The following ITGA8 variants were observed in gnomAD, a reference collection of about 807,000 sequenced individuals.
The protein encoded by ITGA8 is integrin subunit alpha 8.
ITGA8 carries 91 observed loss-of-function variants against 142.3 expected under a neutral mutation model. That is an observed-to-expected ratio of 0.64 (90% confidence interval 0.54 to 0.76). The LOEUF (loss-of-function observed/expected upper bound fraction) is 0.76. Ranked by LOEUF, ITGA8 falls within the 30% of genes least tolerant of loss-of-function variation. The pLI is 0.00. For synonymous variants in ITGA8, 505 were observed against 485.2 expected (o/e 1.04, Z -0.54); for missense variants, 1,406 against 1,327.7 (o/e 1.06, Z -0.92).
chr10:15,558,370 G>C (rs543077714), intron 25 of ITGA8, among the ~76,000 whole-genome samples, 168 bp from the exon 26 acceptor site: 2 of 152,150 alleles, frequency 1.3e-5, no homozygotes, highest in South Asian at 4.1e-4. Flanking sequence ...TGACCTGCAC[G>C]CACAAGGAAC....
At chr10:15,547,872 T>A (rs978741106) in intron 27 of ITGA8, among the ~76,000 whole-genome samples, 6 of 152,212 alleles carry the variant, frequency 3.9e-5, no homozygotes, top group Non-Finnish European at 7.3e-5. Context: ...ATAGTTACTG[T>A]GCCCAACACT....
intron 27 of ITGA8, among the ~76,000 whole-genome samples, chr10:15,546,180 C>T (rs1280890717): frequency 2.0e-5 from 3 of 152,114 alleles, no homozygotes; most frequent in Non-Finnish European, 4.4e-5. Context: ...ACTATTTATC[C>T]CACTGCCCTG....
intron 13 of ITGA8, among the ~76,000 whole-genome samples, chr10:15,630,807 T>C (rs2131633601): frequency 6.6e-6 from 1 of 152,166 alleles, no homozygotes. Context: ...TAATTCATAC[T>C]CCATTCCTTA....
chr10:15,640,136 C>G (rs1222441119), intron 13 of ITGA8, among the ~76,000 whole-genome samples: 1 of 152,210 alleles, frequency 6.6e-6, no homozygotes, highest in Non-Finnish European at 1.5e-5. Flanking sequence ...TATAAAGCAT[C>G]TTCACTTAGT....
chr10:15,623,609 C>T (rs907484132), intron 13 of ITGA8, among the ~76,000 whole-genome samples: 1 of 152,126 alleles, frequency 6.6e-6, no homozygotes, highest in African/African-American at 2.4e-5. Flanking sequence ...TCGCTTGAAC[C>T]CAGGAGATGG....
At chr10:15,622,028 C>T (rs553838779) in intron 13 of ITGA8, among the ~76,000 whole-genome samples, 1 of 152,246 alleles carries the variant, frequency 6.6e-6, no homozygotes, top group East Asian at 1.9e-4. Context: ...CATGATGGTG[C>T]ATGCCTGTAA....
rs186112719 is a variant in ITGA8, at chr10:15,536,656, G to A, written c.2881-5505C>T. Among the ~76,000 whole-genome samples the A allele has an allele frequency of 2.4e-3, 362 of 152,254 alleles. 2 individuals are homozygous for A. The highest frequency in any genetic ancestry group is 8.1e-3 in the African/African-American group (336 of 41,536). ...ACCCAGCTGGGGTTAATATCCCTTGGCAACAATGAGGACCTTCGTCTTGCC... is the reference window on the plus strand; with the variant it reads ...ACCCAGCTGGGGTTAATATCCCTTGACAACAATGAGGACCTTCGTCTTGCC... On this transcript the variant is annotated intron_variant, in intron 27 of 29. Transcript: ENST00000378076.
chr10:15,663,829 C>G (rs1045467084), intron 8 of ITGA8, among the ~76,000 whole-genome samples: 7 of 152,108 alleles, frequency 4.6e-5, no homozygotes, highest in African/African-American at 1.7e-4. Context: ...CTTGGCCTTC[C>G]AAAGTGCTGG....
chr10:15,640,293 C>G (rs1290192035), intron 13 of ITGA8, among the ~76,000 whole-genome samples: 1 of 152,162 alleles, frequency 6.6e-6, no homozygotes, highest in Non-Finnish European at 1.5e-5. Context: ...GGGCTGGCCA[C>G]TCCCAGATTC....
intron 27 of ITGA8, among the ~76,000 whole-genome samples, chr10:15,542,984 A>T (rs1356186016): frequency 6.6e-6 from 1 of 152,226 alleles, no homozygotes; most frequent in Non-Finnish European, 1.5e-5. Context: ...GTCTCGGTCA[A>T]CCAAAACATC....
At chr10:15,552,827 C>A (rs1172172114) in intron 26 of ITGA8, among the ~76,000 whole-genome samples, 3 of 152,142 alleles carry the variant, frequency 2.0e-5, no homozygotes, top group Non-Finnish European at 4.4e-5. Flanking sequence ...AGAATGATAT[C>A]AATTGTTTTC....
intron 2 of ITGA8, among the ~76,000 whole-genome samples, chr10:15,696,106 C>T (rs996971291): frequency 6.6e-6 from 1 of 152,184 alleles, no homozygotes; most frequent in African/African-American, 2.4e-5. Context: ...AGGGTAGGGC[C>T]GCCTGTCGTC....
chr10:15,686,383 G>T (rs185764253), intron 3 of ITGA8, among the ~76,000 whole-genome samples: 197 of 152,300 alleles, frequency 1.3e-3, no homozygotes, highest in African/African-American at 4.4e-3. Flanking sequence ...AAAGCACAGG[G>T]AAGTCTACAT....
chr10:15,533,282 C>T (rs899367750), intron 27 of ITGA8, among the ~76,000 whole-genome samples: 1 of 152,122 alleles, frequency 6.6e-6, no homozygotes, highest in African/African-American at 2.4e-5. Context: ...ATGTTTCTTT[C>T]TACTCCTACC....
At chr10:15,659,416 T>C (rs997373728) in intron 9 of ITGA8, among the ~76,000 whole-genome samples, 12 of 152,268 alleles carry the variant, frequency 7.9e-5, no homozygotes, top group African/African-American at 2.4e-4. Context: ...TTGATCATTA[T>C]GGTTCTTTGC....
intron 13 of ITGA8, among the ~76,000 whole-genome samples, chr10:15,633,290 T>G (rs1280051855): frequency 6.6e-6 from 1 of 152,082 alleles, no homozygotes; most frequent in African/African-American, 2.4e-5. Flanking sequence ...ATATAGAATT[T>G]CCTTTTTAGC....
chr10:15,550,982 A>G (rs1393667474), intron 26 of ITGA8, among the ~76,000 whole-genome samples: 1 of 152,076 alleles, frequency 6.6e-6, no homozygotes, highest in East Asian at 1.9e-4. Context: ...TTTAGGAAAT[A>G]GAATAGAGAC....
chr10:15,518,299 A>T (rs923677016), intron 29 of ITGA8, among the ~76,000 whole-genome samples: 2 of 152,228 alleles, frequency 1.3e-5, no homozygotes, highest in Non-Finnish European at 1.5e-5. Flanking sequence ...TCTCAGAGCT[A>T]CTGGAATATC....
In ITGA8 at chr10:15,719,907, A is replaced by T. The variant is rs1835533596; in HGVS notation, c.-136T>A. 6.1e-6 allele frequency: 4 copies of T among 652,908 alleles called. No homozygotes were observed. The highest frequency in any genetic ancestry group is 6.6e-6 in the Non-Finnish European group (3 of 454,708). 40.4% of individuals were successfully genotyped at this position (652,908 alleles called of 1,614,324 possible). A position where few individuals can be genotyped will look rare whatever the true frequency, so the allele number is the denominator to read the frequency against. The stretch of plus-strand genomic sequence containing the variant: ...CGGTGCGCTCGGCGCACCCGTGGTG[A>T]CAGTGCCCGGCGTCTGCTCCCACCC... On this transcript the variant is annotated 5_prime_UTR_variant, in exon 1 of 30. Coordinates refer to ENST00000378076, the MANE Select transcript of ITGA8 (RefSeq NM_003638.3).
Sources: gnomAD v4.1 joint callset for allele counts (sites outside exome capture counted in the v4.1 genomes callset) on GRCh38, gnomAD v4.1.1 for gene constraint, MANE v1.5 for transcripts, NCBI Gene and HGNC (gene_info 2026-07-23, HGNC 2026-07-21) for gene names.